ZNF320: variants seen among roughly 807,000 people sequenced by gnomAD.
ZNF320 encodes the protein zinc finger protein 320.
Under a neutral mutation model 6.8 loss-of-function variants are expected in ZNF320, and 2 were observed. That is an observed-to-expected ratio of 0.29 (90% CI 0.12 to 0.93). The LOEUF (loss-of-function observed/expected upper bound fraction) is 0.93. Among genes scored for constraint, ZNF320 ranks in the 40% least tolerant of loss-of-function variants. ZNF320 has a pLI of 0.55. For missense variants in ZNF320, 472 were observed against 611.0 expected, an observed-to-expected ratio of 0.77 and a Z score of 2.40; for synonymous variants, 208 against 203.2, an observed-to-expected ratio of 1.02 and a Z score of -0.20.
At position 52,880,006 on chromosome 19, in the gene ZNF320, G is replaced by A. The variant is rs1230278091; in HGVS notation, c.*590C>T. On this transcript the variant is annotated 3_prime_UTR_variant, in exon 6 of 6. Transcript: ENST00000682928. ...CTAAATGATTATAACTGAATGTGAT[G>A]TAGATTCAACACAATACCCAGAGAA... The A allele has an allele frequency of 6.6e-6, 1 of 152,138 alleles. No individual in the cohort carries two copies. The highest frequency in any genetic ancestry group is 2.4e-5 in the African/African-American group (1 of 41,420). The allele number at this position is 152,138 out of a possible 1,614,324, so 9.4% of individuals were successfully genotyped here.
chr19:52,897,066 C>A (rs924913527), intron 1 of ZNF320, among the ~76,000 whole-genome samples: 5 of 152,240 alleles, frequency 3.3e-5, no homozygotes, highest in Admixed American at 2.6e-4. Flanking sequence ...AATACTTTAA[C>A]CCCCTAAAAC....
At chr19:52,866,174 A>G (rs1345269975) in intron 5 of ZNF320, among the ~76,000 whole-genome samples, 9 of 104,706 alleles carry the variant, frequency 8.6e-5, no homozygotes, top group East Asian at 2.5e-4. Flanking sequence ...ATATTTATAT[A>G]TATGATTATA....
chr19:52,885,544 G>A (rs1338135687), intron 5 of ZNF320, among the ~76,000 whole-genome samples: 3 of 151,786 alleles, frequency 2.0e-5, no homozygotes, highest in Non-Finnish European at 2.9e-5. Flanking sequence ...GTGAAACCCC[G>A]TCTGAACTAA....
chr19:52,868,796 C>T lies in ZNF320; in HGVS notation c.224-4637G>A, dbSNP rs59412932. Among the ~76,000 whole-genome samples, 1,365 of 152,274 alleles carry T rather than the reference C, an allele frequency of 9.0e-3. 25 individuals carry two copies. Among genetic ancestry groups the T allele is most frequent in the African/African-American group, 0.031 (1,290 of 41,556 alleles). ...GAGCTGGGACACAAGCGCTGAGCTG[C>T]GCTGCTGACAGTGGTTCTGAAGCCA... On this transcript the variant is annotated intron_variant, in intron 5 of 5. Coordinates refer to the ZNF320 transcript ENST00000673631.
At chr19:52,866,762 C>G (rs2063579805) in intron 5 of ZNF320, among the ~76,000 whole-genome samples, 2 of 150,656 alleles carry the variant, frequency 1.3e-5, no homozygotes, top group Admixed American at 1.3e-4. Flanking sequence ...TGCAGCTACT[C>G]AGTTGGCCGA....
chr19:52,880,719 G>C lies in ZNF320; in HGVS notation c.1407C>G (p.Tyr469Ter), dbSNP rs369546350. ...HQRIHTGQKS[Y>*]KCHQCGKVFS... is the part of the protein sequence containing the mutation. ...AGACCTTGCCACACTGATGACATTTGTAAGATTTCTGTCCAGTATGGATTC... is the reference window on the plus strand; with the variant it reads ...AGACCTTGCCACACTGATGACATTTCTAAGATTTCTGTCCAGTATGGATTC... The change falls in exon 6 of 6, where the codon TAC becomes TAG. Residue 469 changes from tyrosine (Y) to a stop codon, truncating the protein, a stop_gained. Transcript: ENST00000682928. LOFTEE classifies it low-confidence loss of function (END_TRUNC). 1 of 1,613,920 alleles carries C rather than the reference G, an allele frequency of 6.2e-7. No individual in the cohort carries two copies. The highest frequency in any genetic ancestry group is 1.1e-5 in the South Asian group (1 of 91,078).
intron 4 of ZNF320, among the ~76,000 whole-genome samples, chr19:52,888,855 G>A (rs181915394): frequency 3.3e-3 from 504 of 152,248 alleles, no homozygotes; most frequent in Non-Finnish European, 5.6e-3. Flanking sequence ...GTGGGGATGT[G>A]TATGCATATA....
intron 5 of ZNF320, among the ~76,000 whole-genome samples, chr19:52,886,795 C>T (rs1037269098): frequency 2.6e-5 from 4 of 152,088 alleles, no homozygotes; most frequent in African/African-American, 9.6e-5. Flanking sequence ...GTGAGCTGGG[C>T]ATGGTGGTGA....
chr19:52,862,116 T>G, exon 6 of ZNF320: 1 of 378,688 alleles, frequency 2.6e-6, no homozygotes, highest in Non-Finnish European at 5.4e-6. Context: ...TCATTACGGA[T>G]TCTCCAATGA....
chr19:52,893,112 T>C (rs2064361696), intron 2 of ZNF320, among the ~76,000 whole-genome samples: 2 of 152,018 alleles, frequency 1.3e-5, no homozygotes, highest in Non-Finnish European at 2.9e-5. Flanking sequence ...GGTTTTTTAC[T>C]GCTCTCTCTC....
intron 5 of ZNF320, among the ~76,000 whole-genome samples, chr19:52,884,493 G>A (rs1164981181): frequency 6.6e-6 from 1 of 151,986 alleles, no homozygotes; most frequent in Non-Finnish European, 1.5e-5. Flanking sequence ...GGTTTTTGTG[G>A]TTTTAGTAGA....
At chr19:52,874,080 T>G, downstream of ZNF320, 1 of 362,978 alleles carries the variant, frequency 2.8e-6, no homozygotes, top group South Asian at 2.3e-5. Context: ...ATCCTGTATG[T>G]GAAAAAAATC....
intron 1 of ZNF320, chr19:52,895,033 T>C (rs547584054): frequency 6.6e-6 from 1 of 152,362 alleles, no homozygotes; most frequent in South Asian, 2.1e-4. Flanking sequence ...GTTCAACATC[T>C]GCAAGGAATA....
chr19:52,890,796 C>T (rs1395797398), intron 3 of ZNF320, among the ~76,000 whole-genome samples: 2 of 152,154 alleles, frequency 1.3e-5, no homozygotes, highest in African/African-American at 2.4e-5. Context: ...GAGAGGATCA[C>T]TTGTGCTCAA....
chr19:52,865,087 A>C (rs10414773), intron 5 of ZNF320, among the ~76,000 whole-genome samples: 77,696 of 151,754 alleles, frequency 0.51, 20,378 homozygotes, highest in African/African-American at 0.61. Flanking sequence ...TTTGGGAGGC[A>C]GAGGTGGGCA....
chr19:52,862,350 T>C, exon 6 of ZNF320: 1 of 520,374 alleles, frequency 1.9e-6, no homozygotes, highest in Non-Finnish European at 3.9e-6. Flanking sequence ...CTTACATTTG[T>C]ATGGTTTCTC....
At chr19:52,885,848 G>A (rs1217781756) in intron 5 of ZNF320, among the ~76,000 whole-genome samples, 1 of 152,192 alleles carries the variant, frequency 6.6e-6, no homozygotes, top group East Asian at 1.9e-4. Flanking sequence ...GGAGGTTGTG[G>A]TGTCAAGATT....
chr19:52,860,930 G>C (rs1318399413), exon 6 of ZNF320, among the ~76,000 whole-genome samples: 3 of 152,128 alleles, frequency 2.0e-5, no homozygotes, highest in Admixed American at 1.3e-4. Flanking sequence ...CAATTATGGA[G>C]ACACCACTCT....
At chr19:52,892,797 C>G (rs889756018) in intron 2 of ZNF320, among the ~76,000 whole-genome samples, 7 of 151,596 alleles carry the variant, frequency 4.6e-5, no homozygotes, top group Admixed American at 2.0e-4. Context: ...CCCAGGTGTC[C>G]TCCCTGCTGT....
Sources: allele counts gnomAD v4.1 joint callset (sites outside exome capture counted in the v4.1 genomes callset), GRCh38; gene constraint gnomAD v4.1.1; transcripts MANE v1.5; gene names NCBI Gene and HGNC (gene_info 2026-07-23, HGNC 2026-07-21).